TNNI3K: variants seen among roughly 807,000 people sequenced by gnomAD.
TNNI3K encodes serine/threonine-protein kinase TNNI3K.
In TNNI3K, 140 loss-of-function variants were observed where a neutral mutation model predicts 114.5. The observed-to-expected ratio is 1.22, with a 90% CI of 1.07 to 1.41. TNNI3K has a LOEUF of 1.41. Among genes scored for constraint, TNNI3K ranks in the 40% most tolerant of loss-of-function variants. TNNI3K has a pLI of 0.00. For missense variants in TNNI3K, 1,125 were observed against 1,007.6 expected, an observed-to-expected ratio of 1.12 and a Z score of -1.58; for synonymous variants, 347 against 347.5, an observed-to-expected ratio of 1.00 and a Z score of 0.02.
At chr1:74,534,775 G>A (rs1646639345) in intron 23 of TNNI3K, among the ~76,000 whole-genome samples, 1 of 152,172 alleles carries the variant, frequency 6.6e-6, no homozygotes, top group Middle Eastern at 3.4e-3. Flanking sequence ...GGATTTCCTA[G>A]TGCCAGCCTT....
intron 5 of TNNI3K, among the ~76,000 whole-genome samples, chr1:74,300,086 C>A (rs969340709): frequency 3.9e-5 from 6 of 152,058 alleles, no homozygotes; most frequent in Non-Finnish European, 8.8e-5. Context: ...TATCTTCTTT[C>A]TTTATCACTT....
At chr1:74,245,785 TG>T (rs965873794) in intron 2 of TNNI3K, among the ~76,000 whole-genome samples, 32 of 152,310 alleles carry the variant, frequency 2.1e-4, no homozygotes, top group African/African-American at 6.0e-4. Flanking sequence ...TAATTAGAAA[TG>T]GCAAGCCTTG....
intron 17 of TNNI3K, among the ~76,000 whole-genome samples, chr1:74,377,563 A>G (rs1002925236): frequency 3.9e-5 from 6 of 152,086 alleles, no homozygotes; most frequent in African/African-American, 1.4e-4. Flanking sequence ...ATAATACAGA[A>G]TTATATGTAA....
chr1:74,284,133 G>A (rs1302769091), intron 5 of TNNI3K, among the ~76,000 whole-genome samples: 8 of 152,206 alleles, frequency 5.3e-5, no homozygotes, highest in Admixed American at 5.2e-4. Context: ...TATTTTCTAT[G>A]TGACCTTTGA....
chr1:74,447,420 A>G (rs1361850253), intron 20 of TNNI3K, among the ~76,000 whole-genome samples: 1 of 148,602 alleles, frequency 6.7e-6, no homozygotes, highest in Non-Finnish European at 1.5e-5. Context: ...CAAGAAAAAA[A>G]CAAACAACCC....
At chr1:74,370,047 T>C in intron 16 of TNNI3K, 1 of 288,994 alleles carries the variant, frequency 3.5e-6, no homozygotes, top group Non-Finnish European at 6.3e-6. Context: ...TATAGTATTA[T>C]AAATAAATTA....
intron 17 of TNNI3K, among the ~76,000 whole-genome samples, chr1:74,406,305 T>A (rs1390738187): frequency 6.6e-6 from 1 of 152,188 alleles, no homozygotes; most frequent in Non-Finnish European, 1.5e-5. Flanking sequence ...CTTAAAACAT[T>A]ACGAGTTTTT....
At chr1:74,419,285 A>G (rs1008343170) in intron 17 of TNNI3K, among the ~76,000 whole-genome samples, 5 of 152,074 alleles carry the variant, frequency 3.3e-5, no homozygotes, top group African/African-American at 1.2e-4. Flanking sequence ...TCTTATAAGA[A>G]CACTTGTCAT....
intron 17 of TNNI3K, among the ~76,000 whole-genome samples, chr1:74,410,668 A>G (rs1270646296): frequency 6.6e-6 from 1 of 152,236 alleles, no homozygotes; most frequent in Non-Finnish European, 1.5e-5. Context: ...ATCTAAGAAG[A>G]GAATTTTTTT....
At position 74,372,542 on chromosome 1, in the gene TNNI3K, T is replaced by C. The variant is rs181214677; in HGVS notation, c.1772+2150T>C. The C allele has an allele frequency of 2.6e-5, 4 of 152,084 alleles. No individual in the cohort carries two copies. The East Asian group carries it at 5.8e-4, about 22-fold the overall frequency. 9.4% of individuals were successfully genotyped at this position (152,084 alleles called of 1,614,324 possible). A position where few individuals can be genotyped will look rare whatever the true frequency, so the allele number is the denominator to read the frequency against. On this transcript the variant is annotated intron_variant, in intron 17 of 24. Coordinates refer to ENST00000326637, the MANE Select transcript of TNNI3K (RefSeq NM_015978.3). Reference sequence around the variant, plus strand: ...GCTATTAGTTCTTTACCTTTCTTAATTTCAAACCAAACATTTACGTTAACA... The same window carrying C: ...GCTATTAGTTCTTTACCTTTCTTAACTTCAAACCAAACATTTACGTTAACA...
At chr1:74,464,034 T>C (rs974253317) in intron 21 of TNNI3K, among the ~76,000 whole-genome samples, 8 of 152,236 alleles carry the variant, frequency 5.3e-5, no homozygotes, top group Non-Finnish European at 8.8e-5. Flanking sequence ...GTTAACAGCA[T>C]AGACTTCGAA....
chr1:74,341,074 T>C (rs1204036992), intron 7 of TNNI3K, among the ~76,000 whole-genome samples: 1 of 152,198 alleles, frequency 6.6e-6, no homozygotes, highest in Non-Finnish European at 1.5e-5. Context: ...ATTAAGACCC[T>C]GTCTAGATTG....
intron 2 of TNNI3K, among the ~76,000 whole-genome samples, chr1:74,239,604 G>A (rs984848103): frequency 5.9e-5 from 9 of 152,190 alleles, no homozygotes; most frequent in South Asian, 4.1e-4. Flanking sequence ...AGCATGAAAC[G>A]TAAAGGATCA....
At chr1:74,278,848 T>C (rs1418429925) in intron 5 of TNNI3K, among the ~76,000 whole-genome samples, 1 of 152,218 alleles carries the variant, frequency 6.6e-6, no homozygotes, top group Non-Finnish European at 1.5e-5. Context: ...TAATTGGAAT[T>C]ATGTAATGTG....
chr1:74,267,905 T>A (rs1168668117), intron 4 of TNNI3K, among the ~76,000 whole-genome samples: 1 of 151,944 alleles, frequency 6.6e-6, no homozygotes, highest in Non-Finnish European at 1.5e-5. Flanking sequence ...GAAGAAAGGA[T>A]AAATGTGTGT....
intron 2 of TNNI3K, among the ~76,000 whole-genome samples, chr1:74,238,064 T>C (rs1189414831): frequency 3.3e-5 from 5 of 151,980 alleles, no homozygotes; most frequent in African/African-American, 1.2e-4. Flanking sequence ...GATTTATTCA[T>C]TGATTTTTGG....
In TNNI3K at chr1:74,378,594, TTATATATATATATATATA is replaced by T. The variant is rs58113455; in HGVS notation, c.1772+8232_1772+8249del. The T allele has an allele frequency of 3.7e-3, 285 of 77,912 alleles. 9 individuals are homozygous for T. Among genetic ancestry groups the T allele is most frequent in the East Asian group, 0.023 (45 of 1,938 alleles). The allele number at this position is 77,912 out of a possible 1,614,324, so 4.8% of individuals were successfully genotyped here. A position where few individuals can be genotyped will look rare whatever the true frequency, so the allele number is the denominator to read the frequency against. On this transcript the variant is annotated intron_variant, in intron 17 of 24. Coordinates refer to ENST00000326637, the MANE Select transcript of TNNI3K (RefSeq NM_015978.3). ...TTTTGTTGTTGTTGTCAGTTTAATT[TTATATATATATATATATA>T]TATATATATATATATATATATATAT... is the stretch of plus-strand genomic sequence containing the variant.
At chr1:74,332,976 A>AAAAAAAAAAAAAAAAAAGAG (rs57556485) in intron 6 of TNNI3K, among the ~76,000 whole-genome samples, 8 of 90,752 alleles carry the variant, frequency 8.8e-5, no homozygotes, top group Non-Finnish European at 1.1e-4. Flanking sequence ...AAAAAAAAAA[A>AAAAAAAAAAAAAAAAAAGAG]AGAGAGAGAC....
At chr1:74,493,234 T>C (rs1317929870) in intron 23 of TNNI3K, among the ~76,000 whole-genome samples, 1 of 152,122 alleles carries the variant, frequency 6.6e-6, no homozygotes, top group Non-Finnish European at 1.5e-5. Context: ...AGTAAATGCT[T>C]AATTGTCTCC....
Sources: gnomAD v4.1 joint callset for allele counts (sites outside exome capture counted in the v4.1 genomes callset) on GRCh38, gnomAD v4.1.1 for gene constraint, MANE v1.5 for transcripts, NCBI Gene and HGNC (gene_info 2026-07-23, HGNC 2026-07-21) for gene names.